The following APBA1 variants were observed in gnomAD, a reference collection of about 807,000 sequenced individuals.
The protein encoded by APBA1 is amyloid beta precursor protein binding family A member 1.
Under a neutral mutation model 86.6 loss-of-function variants are expected in APBA1, and 55 were observed. That is an observed-to-expected ratio of 0.64 (90% CI 0.51 to 0.80). The LOEUF is 0.80. Among genes scored for constraint, APBA1 ranks in the 30% least tolerant of loss-of-function variants. APBA1 has a pLI of 0.00. For missense variants in APBA1, 1,090 were observed against 1,183.0 expected (o/e 0.92, Z 1.15); for synonymous variants, 511 against 493.9 (o/e 1.03, Z -0.46).
At chr9:69,467,770 T>C in intron 5 of APBA1, 53 bp downstream of exon 5, 1 of 1,608,034 alleles carries the variant, frequency 6.2e-7, no homozygotes, top group Non-Finnish European at 8.5e-7. Context: ...TGTAGACTGC[T>C]CCAGTGCCTA....
chr9:69,620,493 C>T (rs1822794102), intron 1 of APBA1, among the ~76,000 whole-genome samples: 1 of 152,160 alleles, frequency 6.6e-6, no homozygotes, highest in Non-Finnish European at 1.5e-5. Context: ...GCCTAGCCAG[C>T]ATGGTGAAAC....
chr9:69,572,254 CT>C (rs764336770), intron 1 of APBA1, among the ~76,000 whole-genome samples: 12 of 152,170 alleles, frequency 7.9e-5, no homozygotes, highest in Non-Finnish European at 1.3e-4. Context: ...GCCGTCCCCC[CT>C]GACAGGCCCC....
intron 1 of APBA1, among the ~76,000 whole-genome samples, chr9:69,526,156 G>C (rs1836338946): frequency 6.6e-6 from 1 of 152,072 alleles, no homozygotes; most frequent in African/African-American, 2.4e-5. Context: ...CACCACATCA[G>C]CCTTGGGAAA....
At chr9:69,590,360 G>T (rs1450487958) in intron 1 of APBA1, among the ~76,000 whole-genome samples, 1 of 152,182 alleles carries the variant, frequency 6.6e-6, no homozygotes, top group African/African-American at 2.4e-5. Flanking sequence ...CTGTGGACAT[G>T]GGAGACTTTG....
At chr9:69,540,125 A>G (rs1238871354) in intron 1 of APBA1, among the ~76,000 whole-genome samples, 2 of 128,014 alleles carry the variant, frequency 1.6e-5, no homozygotes, top group Non-Finnish European at 3.4e-5. Context: ...CATCTCGGCA[A>G]CAACAACAAC....
chr9:69,577,612 G>T (rs1821829607), intron 1 of APBA1, among the ~76,000 whole-genome samples: 1 of 152,152 alleles, frequency 6.6e-6, no homozygotes, highest in African/African-American at 2.4e-5. Context: ...GAAACCACAG[G>T]AGGGAAATGT....
chr9:69,431,497 G>A, intron 12 of APBA1, 99 bp from the exon 13 acceptor site: 1 of 1,059,314 alleles, frequency 9.4e-7, no homozygotes, highest in African/African-American at 1.6e-5. Context: ...CTCTCCCACA[G>A]AGGGCTTTGA....
At chr9:69,543,226 G>C (rs536374877) in intron 1 of APBA1, among the ~76,000 whole-genome samples, 1 of 152,040 alleles carries the variant, frequency 6.6e-6, no homozygotes, top group African/African-American at 2.4e-5. Flanking sequence ...CCTGGACTGC[G>C]GGCTGCTGGC....
chr9:69,598,864 T>C (rs1325897561), intron 1 of APBA1, among the ~76,000 whole-genome samples: 1 of 152,242 alleles, frequency 6.6e-6, no homozygotes, highest in African/African-American at 2.4e-5. Flanking sequence ...CTTGATTTTG[T>C]TTTCAAGTGC....
chr9:69,547,095 C>T (rs13291843), intron 1 of APBA1, among the ~76,000 whole-genome samples: 57,964 of 152,094 alleles, frequency 0.38, 12,226 homozygotes, highest in Non-Finnish European at 0.47. Flanking sequence ...AATCAATTGT[C>T]GGAGTACAGA....
chr9:69,460,495 T>C (rs1835172792), intron 5 of APBA1, among the ~76,000 whole-genome samples: 1 of 152,160 alleles, frequency 6.6e-6, no homozygotes, highest in Admixed American at 6.5e-5. Context: ...TGTTTGTTTT[T>C]TACTTCTCCT....
chr9:69,597,998 G>A (rs1214335127), intron 1 of APBA1, among the ~76,000 whole-genome samples: 12 of 151,466 alleles, frequency 7.9e-5, no homozygotes, highest in African/African-American at 1.9e-4. Flanking sequence ...TGTTTATTGC[G>A]GCATTATTCA....
At chr9:69,435,597 T>G (rs571300807) in intron 11 of APBA1, among the ~76,000 whole-genome samples, 1 of 152,402 alleles carries the variant, frequency 6.6e-6, no homozygotes, top group East Asian at 1.9e-4. Flanking sequence ...TGTCATCTTT[T>G]GAGAAGTGTT....
At chr9:69,448,986 G>A (rs572966098) in intron 10 of APBA1, among the ~76,000 whole-genome samples, 1 of 152,264 alleles carries the variant, frequency 6.6e-6, no homozygotes, top group East Asian at 1.9e-4. Flanking sequence ...AGCTTTATAA[G>A]CATCAGTTCA....
rs1564101564 is a variant in APBA1 at position 69,646,018 on chromosome 9, T to C, written c.-70+26135A>G. 2.6e-5 allele frequency among the ~76,000 whole-genome samples: 4 copies of C among 152,360 alleles called. No individual in the cohort carries two copies. In the South Asian group the frequency reaches 8.3e-4, roughly 32 times the overall value. ...ACTTTAAATATCACATGGATAGACA[T>C]ACTCACCAATCTTAACACCAGTTGA... On this transcript the variant is annotated intron_variant, in intron 1 of 12. Transcript: ENST00000265381.
At chr9:69,562,749 A>G (rs1291958140) in intron 1 of APBA1, among the ~76,000 whole-genome samples, 1 of 152,206 alleles carries the variant, frequency 6.6e-6, no homozygotes, top group Non-Finnish European at 1.5e-5. Context: ...CCAACAATAC[A>G]TTATGTATGG....
At chr9:69,518,489 G>A (rs1310683408) in intron 1 of APBA1, among the ~76,000 whole-genome samples, 1 of 152,060 alleles carries the variant, frequency 6.6e-6, no homozygotes, top group Non-Finnish European at 1.5e-5. Context: ...AGAGAAACTT[G>A]TAGCTCGAGA....
intron 3 of APBA1, among the ~76,000 whole-genome samples, chr9:69,472,146 T>C (rs1043349622): frequency 1.3e-5 from 2 of 152,252 alleles, no homozygotes; most frequent in African/African-American, 4.8e-5. Flanking sequence ...GCTAAAAATG[T>C]GTGCTAGAGT....
intron 1 of APBA1, among the ~76,000 whole-genome samples, chr9:69,658,882 C>G (rs1823696420): frequency 6.6e-6 from 1 of 152,140 alleles, no homozygotes; most frequent in Non-Finnish European, 1.5e-5. Context: ...GAGTATGAAA[C>G]ACCAACCCCA....
Sources: allele counts gnomAD v4.1 joint callset (sites outside exome capture counted in the v4.1 genomes callset), GRCh38; gene constraint gnomAD v4.1.1; transcripts MANE v1.5; gene names NCBI Gene and HGNC (gene_info 2026-07-23, HGNC 2026-07-21).